The following RSRC1 variants were observed in gnomAD, a reference collection of about 807,000 sequenced individuals.
RSRC1 encodes serine/Arginine-related protein 53.
Under a neutral mutation model 49.1 loss-of-function variants are expected in RSRC1, and 39 were observed. That is an observed-to-expected ratio of 0.79 (90% confidence interval 0.61 to 1.04). The LOEUF is 1.04. Among genes scored for constraint, RSRC1 ranks in the 50% least tolerant of loss-of-function variants. The pLI is 0.00. For missense variants in RSRC1, 388 were observed against 402.4 expected (o/e 0.96, Z 0.31); for synonymous variants, 143 against 130.8 (o/e 1.09, Z -0.63).
chr3:158,428,768 C>T (rs1735605248), intron 6 of RSRC1, among the ~76,000 whole-genome samples: 1 of 151,738 alleles, frequency 6.6e-6, no homozygotes, highest in Non-Finnish European at 1.5e-5. Flanking sequence ...GAGTTAGGTC[C>T]CACCAGTTAT....
chr3:158,436,812 A>G (rs1218804345), intron 6 of RSRC1, among the ~76,000 whole-genome samples: 1 of 151,992 alleles, frequency 6.6e-6, no homozygotes, highest in Non-Finnish European at 1.5e-5. Flanking sequence ...TGGTTGGCAT[A>G]TATGAACTCA....
chr3:158,171,767 T>C (rs1425404872), intron 3 of RSRC1, among the ~76,000 whole-genome samples: 2 of 151,882 alleles, frequency 1.3e-5, no homozygotes, highest in Admixed American at 1.3e-4. Flanking sequence ...CTGAACCAAA[T>C]AGACAGATCC....
intron 7 of RSRC1, among the ~76,000 whole-genome samples, chr3:158,516,725 C>T (rs868277334): frequency 6.6e-6 from 1 of 152,228 alleles, no homozygotes; most frequent in Non-Finnish European, 1.5e-5. Flanking sequence ...TGATCTCAGA[C>T]TGCTGTGCTA....
At chr3:158,362,387 G>C (rs73170342) in intron 6 of RSRC1, among the ~76,000 whole-genome samples, 1 of 152,092 alleles carries the variant, frequency 6.6e-6, no homozygotes, top group Admixed American at 6.5e-5. Flanking sequence ...TTTCCCAGCA[G>C]TTTTAACAAT....
chr3:158,447,686 G>A (rs1736794859), intron 6 of RSRC1, among the ~76,000 whole-genome samples: 1 of 151,880 alleles, frequency 6.6e-6, no homozygotes, highest in Non-Finnish European at 1.5e-5. Flanking sequence ...ACACATAGAT[G>A]TAGGCCAGCA....
chr3:158,130,520 T>C (rs775499219), intron 3 of RSRC1, among the ~76,000 whole-genome samples: 4 of 152,232 alleles, frequency 2.6e-5, no homozygotes, highest in Non-Finnish European at 5.9e-5. Context: ...TATTTACATA[T>C]ACATAATGAG....
chr3:158,260,662 G>T (rs1428281423), intron 4 of RSRC1, among the ~76,000 whole-genome samples: 2 of 152,170 alleles, frequency 1.3e-5, no homozygotes, highest in African/African-American at 2.4e-5. Flanking sequence ...TTGTGGCCTA[G>T]ACTGCTTTTC....
chr3:158,222,606 C>G (rs827806), intron 4 of RSRC1, among the ~76,000 whole-genome samples: 86,207 of 151,116 alleles, frequency 0.57, 24,947 homozygotes, highest in East Asian at 0.73. Context: ...TATTCATTCT[C>G]CGTCCCCCAC....
chr3:158,165,108 C>A (rs767561515), intron 3 of RSRC1, among the ~76,000 whole-genome samples: 6 of 152,118 alleles, frequency 3.9e-5, no homozygotes, highest in Non-Finnish European at 5.9e-5. Flanking sequence ...ATAAGCGGAA[C>A]CTTTGCTCTG....
chr3:158,355,818 T>C (rs1731126739), intron 6 of RSRC1, among the ~76,000 whole-genome samples: 1 of 151,942 alleles, frequency 6.6e-6, no homozygotes, highest in African/African-American at 2.4e-5. Context: ...AAGCGTCCAG[T>C]TGGTGTCTCA....
chr3:158,508,531 G>GC (rs1560069121), intron 7 of RSRC1, among the ~76,000 whole-genome samples: 16 of 149,584 alleles, frequency 1.1e-4, no homozygotes, highest in African/African-American at 3.4e-4. Context: ...ATATGTAGTC[G>GC]CCCCCCGCCC....
At chr3:158,475,001 A>G (rs942968002) in intron 7 of RSRC1, among the ~76,000 whole-genome samples, 1 of 151,862 alleles carries the variant, frequency 6.6e-6, no homozygotes, top group Non-Finnish European at 1.5e-5. Context: ...TGCAGCCTCA[A>G]CCTCCCAGGC....
At chr3:158,473,172 C>T (rs1738210809) in intron 7 of RSRC1, among the ~76,000 whole-genome samples, 1 of 152,066 alleles carries the variant, frequency 6.6e-6, no homozygotes, top group African/African-American at 2.4e-5. Context: ...GGGTATATAC[C>T]CAAAGCATAT....
At chr3:158,141,276 T>C (rs1716734932) in intron 3 of RSRC1, among the ~76,000 whole-genome samples, 1 of 152,166 alleles carries the variant, frequency 6.6e-6, no homozygotes, top group African/African-American at 2.4e-5. Context: ...AAAATCTGGT[T>C]GCTGGTTGAT....
chr3:158,214,828 T>C (rs1359114755), intron 4 of RSRC1, among the ~76,000 whole-genome samples: 1 of 151,866 alleles, frequency 6.6e-6, no homozygotes, highest in East Asian at 1.9e-4. Context: ...GTTAAGGTTA[T>C]TTTTATGAAT....
rs568646962 is a variant in RSRC1, at chr3:158,243,732, A to G, written c.494+40487A>G. Among the ~76,000 whole-genome samples, 11 of 152,166 alleles carry G rather than the reference A, an allele frequency of 7.2e-5. No individual in the cohort carries two copies. In the East Asian group the frequency reaches 2.1e-3, roughly 29 times the overall value. On this transcript the variant is annotated intron_variant, in intron 4 of 9. Coordinates refer to ENST00000611884, the MANE Select transcript of RSRC1 (RefSeq NM_001271838.2). ...CTGATTTCTTTGAGCACTGGTTCTT[A>G]GTTCTCTTTCAAGAGGTACTTCACC... is the stretch of plus-strand genomic sequence containing the variant.
chr3:158,489,167 C>G (rs900393749), intron 7 of RSRC1, among the ~76,000 whole-genome samples: 3 of 152,190 alleles, frequency 2.0e-5, no homozygotes, highest in Non-Finnish European at 2.9e-5. Context: ...TAAAAGCATA[C>G]ATAAAAGGTT....
intron 6 of RSRC1, among the ~76,000 whole-genome samples, chr3:158,373,108 C>CT (rs948735931): frequency 6.6e-6 from 1 of 151,710 alleles, no homozygotes; most frequent in African/African-American, 2.4e-5. Context: ...TAGGATTTTT[C>CT]TTTTTTGGCT....
At chr3:158,513,836 T>C (rs888169299) in intron 7 of RSRC1, among the ~76,000 whole-genome samples, 4 of 152,344 alleles carry the variant, frequency 2.6e-5, no homozygotes, top group East Asian at 1.9e-4. Flanking sequence ...TTCTTCCTGG[T>C]TTACTCTTGG....
Sources: allele counts gnomAD v4.1 joint callset (sites outside exome capture counted in the v4.1 genomes callset), GRCh38; gene constraint gnomAD v4.1.1; transcripts MANE v1.5; gene names NCBI Gene and HGNC (gene_info 2026-07-23, HGNC 2026-07-21).